HEATR6: variants seen among roughly 807,000 people sequenced by gnomAD.
HEATR6 encodes HEAT repeat containing 6.
In HEATR6, 106 loss-of-function variants were observed where a neutral mutation model predicts 132.8. That is an observed-to-expected ratio of 0.80 (90% CI 0.68 to 0.94). HEATR6 has a LOEUF of 0.94. Ranked by LOEUF, HEATR6 falls within the 40% of genes least tolerant of loss-of-function variation. The pLI, the probability that HEATR6 is intolerant of heterozygous loss-of-function variation, is 0.00. For synonymous variants in HEATR6, 529 were observed against 537.8 expected (o/e 0.98, Z 0.23); for missense variants, 1,339 against 1,425.1 (o/e 0.94, Z 0.97).
intron 19 of HEATR6, among the ~76,000 whole-genome samples, chr17:60,044,878 C>T (rs1906309691): frequency 6.6e-6 from 1 of 152,198 alleles, no homozygotes; most frequent in African/African-American, 2.4e-5. Flanking sequence ...GACAATGGGC[C>T]ACTGCTAGAG....
chr17:60,049,322 G>T (rs765056900), intron 16 of HEATR6, among the ~76,000 whole-genome samples: 1 of 151,546 alleles, frequency 6.6e-6, no homozygotes, highest in African/African-American at 2.4e-5. Flanking sequence ...TAGAGACAGG[G>T]TTTTGCCAAG....
Position 60,057,064 on chromosome 17 carries a change from C to G in HEATR6, c.2063G>C (p.Arg688Pro). ...ATCTCCTACCTGTAAGGCCTCCAGT[C>G]GCATGGGGGATGGTTCGTAGGTGCT... Reference protein sequence around the residue: ...AGSTYEPSPMRLEALQVLTLL... With the variant: ...AGSTYEPSPMPLEALQVLTLL... Residue 688 changes from arginine to proline, a missense_variant, in exon 12 of 20, where the codon CGA becomes CCA. Arg to Pro is a moderately radical substitution (Grantham distance 103). Transcript: ENST00000184956. The G allele has an allele frequency of 6.3e-7, 1 of 1,597,356 alleles. No individual in the cohort carries two copies. The highest frequency in any genetic ancestry group is 8.5e-7 in the Non-Finnish European group (1 of 1,170,094).
chr17:60,076,471 C>T (rs1242125056), intron 1 of HEATR6: 4 of 430,218 alleles, frequency 9.3e-6, no homozygotes, highest in African/African-American at 4.0e-5. Context: ...GAGGTCAAAG[C>T]GGGAGGACTG....
At position 60,050,624 on chromosome 17, in the gene HEATR6, C is replaced by T. The variant is rs144193880; in HGVS notation, c.2424+219G>A. Among the ~76,000 whole-genome samples the T allele has an allele frequency of 9.6e-3, 1,461 of 152,252 alleles. 13 individuals carry two copies. Among genetic ancestry groups the T allele is most frequent in the Non-Finnish European group, 0.013 (914 of 68,014 alleles). On this transcript the variant is annotated intron_variant, in intron 15 of 19. Transcript: ENST00000184956. ...GCTTCTTCTACCCTTGCCTCTACCA[C>T]CTACACTCTCATGCACAGGGGGAAA...
intron 14 of HEATR6, among the ~76,000 whole-genome samples, chr17:60,051,932 C>T (rs1016588207): frequency 6.6e-6 from 1 of 152,170 alleles, no homozygotes; most frequent in Non-Finnish European, 1.5e-5. Flanking sequence ...TGTGTAGTCC[C>T]CTCCCATACT....
rs764029956 is a variant in HEATR6 at position 60,044,094 on chromosome 17, T to C, written c.3015A>G (p.Thr1005=). 9.9e-6 allele frequency: 16 copies of C among 1,613,618 alleles called. No individual in the cohort carries two copies. Among genetic ancestry groups the C allele is most frequent in the Non-Finnish European group, 1.2e-5 (14 of 1,179,706 alleles). ...AGTTCTTGCATGATGTCACGACCGA[T>C]GTCAGGGCATTGTAGGCCTGGGAGG... ...PWTSQAYNAL[T]SVVTSCKNFK... is the part of the protein sequence containing the mutation. Residue 1005 remains threonine, a synonymous_variant, in exon 20 of 20, where the codon ACA becomes ACG. Coordinates refer to ENST00000184956, the MANE Select transcript of HEATR6 (RefSeq NM_022070.5).
Position 60,062,943 on chromosome 17 carries a change from C to G in HEATR6, c.1417-2847G>C, listed in dbSNP as rs191401802. On this transcript the variant is annotated intron_variant, in intron 9 of 19. Transcript: ENST00000184956. The stretch of plus-strand genomic sequence containing the variant: ...CTTCCTCATTTTCTCTTGCTGCCAC[C>G]ATGTAAAGAAGTGCCTTTTGCCTCC... The G allele has an allele frequency of 6.1e-5, 11 of 179,430 alleles. No homozygotes were observed. In the East Asian group the frequency reaches 1.8e-3, roughly 30 times the overall value. The allele number at this position is 179,430 out of a possible 1,614,324, so 11.1% of individuals were successfully genotyped here.
At position 60,070,687 on chromosome 17, in the gene HEATR6, A is replaced by T. The variant is rs1257491468; in HGVS notation, c.801+19T>A. On this transcript the variant is annotated intron_variant, in intron 6 of 19. Coordinates refer to ENST00000184956, the MANE Select transcript of HEATR6 (RefSeq NM_022070.5). ...GGTTGAAACAGGAAAGACAATGATC[A>T]TATGAAGACTTGCCTTACCTTTAGC... 1.5e-6 allele frequency: 2 copies of T among 1,368,032 alleles called. No individual in the cohort carries two copies. Among genetic ancestry groups the T allele is most frequent in the African/African-American group, 1.4e-5 (1 of 70,066 alleles). The allele number at this position is 1,368,032 out of a possible 1,614,324, so 84.7% of individuals were successfully genotyped here. A position where few individuals can be genotyped will look rare whatever the true frequency, so the allele number is the denominator to read the frequency against.
At chr17:60,078,222 G>C (rs1420851046) in intron 1 of HEATR6, among the ~76,000 whole-genome samples, 1 of 152,194 alleles carries the variant, frequency 6.6e-6, no homozygotes, top group African/African-American at 2.4e-5. Flanking sequence ...TGTAGGAACA[G>C]AAAACATAGG....
At chr17:60,067,862 G>A in intron 7 of HEATR6, 130 bp from the exon 8 acceptor site, 4 of 763,506 alleles carry the variant, frequency 5.2e-6, no homozygotes, top group South Asian at 2.0e-5. Flanking sequence ...GAAGAAAAGA[G>A]AAAAGAAAAA....
intron 9 of HEATR6, among the ~76,000 whole-genome samples, chr17:60,061,906 A>G (rs1378777764): frequency 6.6e-6 from 1 of 152,262 alleles, no homozygotes; most frequent in East Asian, 1.9e-4. Context: ...TCACAAACTG[A>G]ATGAAATTAA....
intron 8 of HEATR6, among the ~76,000 whole-genome samples, chr17:60,067,205 G>A (rs2145197018): frequency 6.8e-6 from 1 of 147,850 alleles, no homozygotes; most frequent in Admixed American, 6.8e-5. Flanking sequence ...GGGAGGCGGA[G>A]CTTGCAGTGA....
intron 11 of HEATR6, 77 bp downstream of exon 11, chr17:60,059,345 T>G: frequency 1.2e-6 from 1 of 811,458 alleles, no homozygotes; most frequent in East Asian, 2.7e-5. Flanking sequence ...TATACATATA[T>G]CTATATCTGT....
chr17:60,076,893 A>G (rs1490496704), intron 1 of HEATR6, among the ~76,000 whole-genome samples: 1 of 151,548 alleles, frequency 6.6e-6, no homozygotes, highest in Non-Finnish European at 1.5e-5. Context: ...TGCCATTGGG[A>G]AAAATCAGAC....
intron 9 of HEATR6, among the ~76,000 whole-genome samples, 156 bp downstream of exon 9, chr17:60,066,053 A>T (rs751825329): frequency 6.6e-6 from 1 of 152,230 alleles, no homozygotes; most frequent in Non-Finnish European, 1.5e-5. Flanking sequence ...ACATAAGCCC[A>T]CTTCCTATTT....
At chr17:60,067,036 C>T (rs1356370278) in intron 8 of HEATR6, among the ~76,000 whole-genome samples, 3 of 151,932 alleles carry the variant, frequency 2.0e-5, no homozygotes, top group African/African-American at 4.8e-5. Flanking sequence ...TTTGGGAGGC[C>T]GAGGCGGGCG....
chr17:60,066,115 T>G, intron 9 of HEATR6, 94 bp downstream of exon 9: 1 of 1,071,512 alleles, frequency 9.3e-7, no homozygotes, highest in Admixed American at 2.2e-5. Flanking sequence ...TACTAAGAGC[T>G]ATATTCAGAT....
Position 60,055,430 on chromosome 17 carries a change from A to G in HEATR6, c.2289+85T>C. On this transcript the variant is annotated intron_variant, in intron 14 of 19. Coordinates refer to ENST00000184956, the MANE Select transcript of HEATR6 (RefSeq NM_022070.5). ...TTTTGACACTGGAAGAAACCATATCATCTACTCCATTTATCACTGAGCTTC... is the reference window on the plus strand; with the variant it reads ...TTTTGACACTGGAAGAAACCATATCGTCTACTCCATTTATCACTGAGCTTC... 9.7e-6 allele frequency: 8 copies of G among 827,996 alleles called. No individual in the cohort carries two copies. The South Asian group carries it at 1.2e-4, about 12-fold the overall frequency. 51.3% of individuals were successfully genotyped at this position (827,996 alleles called of 1,614,324 possible).
Position 60,067,725 on chromosome 17 carries a change from T to A in HEATR6, c.947A>T (p.Lys316Met), listed in dbSNP as rs1311076533. ...CTTTGGTTTTACTTTGGATTTTTTC[T>A]TTTTATTCTGATTGTGGGAGCAAAT... is the stretch of plus-strand genomic sequence containing the variant. ...SSASRPTLNKKKKSKVKPKKI... is the reference protein window; with the variant it reads ...SSASRPTLNKMKKSKVKPKKI... Residue 316 changes from lysine to methionine, a missense_variant, in exon 8 of 20, where the codon AAG becomes ATG. Transcript: ENST00000184956. The A allele has an allele frequency of 6.2e-7, 1 of 1,610,930 alleles. No homozygotes were observed. Among genetic ancestry groups the A allele is most frequent in the Non-Finnish European group, 8.5e-7 (1 of 1,179,010 alleles).
Sources: allele counts gnomAD v4.1 joint callset (sites outside exome capture counted in the v4.1 genomes callset), GRCh38; gene constraint gnomAD v4.1.1; transcripts MANE v1.5; gene names NCBI Gene and HGNC (gene_info 2026-07-23, HGNC 2026-07-21).